The following OSBP variants were observed in gnomAD, a reference collection of about 807,000 sequenced individuals.
OSBP encodes the protein oxysterol-binding protein 1.
OSBP carries 32 observed loss-of-function variants against 96.6 expected under a neutral mutation model. The observed-to-expected ratio is 0.33, with a 90% CI of 0.25 to 0.45. The LOEUF (loss-of-function observed/expected upper bound fraction) is 0.45. Ranked by LOEUF, OSBP falls within the 20% of genes least tolerant of loss-of-function variation. The pLI is 1.00. For missense variants in OSBP, 653 were observed against 1,029.7 expected (o/e 0.63, Z 5.01); for synonymous variants, 369 against 389.6 (o/e 0.95, Z 0.62).
chr11:59,602,568 T>C (rs540753244), intron 3 of OSBP, among the ~76,000 whole-genome samples: 1 of 152,320 alleles, frequency 6.6e-6, no homozygotes, highest in East Asian at 1.9e-4. Flanking sequence ...ATCACCTGCC[T>C]TGTATTCTCC....
chr11:59,609,767 A>T (rs1014298413), intron 2 of OSBP, among the ~76,000 whole-genome samples: 13 of 152,214 alleles, frequency 8.5e-5, no homozygotes, highest in African/African-American at 2.7e-4. Flanking sequence ...ACTTAACTTG[A>T]TTGCTCCTTT....
At chr11:59,605,891 T>C (rs918839250) in intron 3 of OSBP, among the ~76,000 whole-genome samples, 5 of 152,184 alleles carry the variant, frequency 3.3e-5, no homozygotes, top group African/African-American at 9.7e-5. Context: ...ACATAGGTCA[T>C]AGAGGCAGTT....
At chr11:59,590,290 A>C (rs1860561134) in intron 9 of OSBP, among the ~76,000 whole-genome samples, 1 of 152,190 alleles carries the variant, frequency 6.6e-6, no homozygotes, top group Non-Finnish European at 1.5e-5. Context: ...GACCTCAGTG[A>C]GACTATTAGG....
chr11:59,594,836 T>C (rs552656397), intron 7 of OSBP, among the ~76,000 whole-genome samples: 1 of 152,170 alleles, frequency 6.6e-6, no homozygotes, highest in East Asian at 1.9e-4. Context: ...ATGATGGGGG[T>C]TGAGAGGGGG....
intron 9 of OSBP, among the ~76,000 whole-genome samples, chr11:59,585,631 G>A (rs974102243): frequency 1.3e-5 from 2 of 152,202 alleles, no homozygotes; most frequent in African/African-American, 2.4e-5. Flanking sequence ...GAAGTGAGGA[G>A]CCCCTCTGCC....
At chr11:59,610,870 G>A (rs1860835527) in intron 1 of OSBP, among the ~76,000 whole-genome samples, 5 of 151,118 alleles carry the variant, frequency 3.3e-5, no homozygotes, top group Admixed American at 3.3e-4. Flanking sequence ...TACAGGCCGG[G>A]CACCCGTAAT....
intron 3 of OSBP, among the ~76,000 whole-genome samples, chr11:59,604,348 A>G (rs1444137466): frequency 6.6e-6 from 1 of 152,194 alleles, no homozygotes; most frequent in Non-Finnish European, 1.5e-5. Context: ...GGAGTTTAAG[A>G]TCAGCCTGGA....
intron 7 of OSBP, among the ~76,000 whole-genome samples, chr11:59,596,404 T>C (rs1464233065): frequency 6.6e-6 from 1 of 152,112 alleles, no homozygotes; most frequent in South Asian, 2.1e-4. Flanking sequence ...AATCAGCACA[T>C]TGCTATCACT....
rs1860920130 is a variant in OSBP at position 59,615,696 on chromosome 11, AACCGCCTACGAG to A, written c.-44_-33del. The A allele has an allele frequency of 7.8e-7, 1 of 1,282,884 alleles. No homozygotes were observed. The highest frequency in any genetic ancestry group is 3.0e-4 in the Middle Eastern group (1 of 3,348). 79.5% of individuals were successfully genotyped at this position (1,282,884 alleles called of 1,614,324 possible). Reference sequence around the variant, plus strand: ...CCGCCGCCTGGAGATACAAGACCGGAACCGCCTACGAGAGCCGCCGTCGCCGCCCGGAGCGCC... The same window carrying A: ...CCGCCGCCTGGAGATACAAGACCGGAAGCCGCCGTCGCCGCCCGGAGCGCC... On this transcript the variant is annotated 5_prime_UTR_variant, in exon 1 of 14. Coordinates refer to ENST00000263847, the MANE Select transcript of OSBP (RefSeq NM_002556.3).
Position 59,601,472 on chromosome 11 carries a change from A to AAGATGG in OSBP, c.1022-88_1022-87insCCATCT. Reference sequence around the variant, plus strand: ...AAGTTCTTTTAAATACTAACCACAAACACAGCAAAAAATGGTAGAAAGCAG... The same window carrying AAGATGG: ...AAGTTCTTTTAAATACTAACCACAAAAGATGGCACAGCAAAAAATGGTAGAAAGCAG... On this transcript the variant is annotated intron_variant, in intron 4 of 13. Coordinates refer to ENST00000263847, the MANE Select transcript of OSBP (RefSeq NM_002556.3). The AAGATGG allele has an allele frequency of 1.3e-5, 16 of 1,204,446 alleles. No homozygotes were observed. The South Asian group carries it at 2.0e-4, about 15-fold the overall frequency. The allele number at this position is 1,204,446 out of a possible 1,614,324, so 74.6% of individuals were successfully genotyped here.
chr11:59,584,976 C>T lies in OSBP; in HGVS notation c.1679-3422G>A, dbSNP rs11826941. ...AGGCTGGAGTGCAGTGGCGTGATCT[C>T]GGCTCGCTACAACCTCCACCTCCCA... is the stretch of plus-strand genomic sequence containing the variant. On this transcript the variant is annotated intron_variant, in intron 9 of 13. Transcript: ENST00000263847. Among the ~76,000 whole-genome samples the T allele has an allele frequency of 5.9e-3, 894 of 152,292 alleles. 5 individuals carry two copies. Among genetic ancestry groups the T allele is most frequent in the African/African-American group, 0.02 (831 of 41,566 alleles).
At chr11:59,597,954 T>C (rs560367101) in intron 7 of OSBP, among the ~76,000 whole-genome samples, 24 of 152,096 alleles carry the variant, frequency 1.6e-4, no homozygotes, top group Non-Finnish European at 2.1e-4. Context: ...AATCCACCCA[T>C]CTTGGTCTCC....
intron 9 of OSBP, 26 bp downstream of exon 9, chr11:59,593,578 A>C: frequency 6.2e-7 from 1 of 1,613,048 alleles, no homozygotes; most frequent in Non-Finnish European, 8.5e-7. Flanking sequence ...CAGGAGCATT[A>C]ATTCTGACAA....
At chr11:59,606,537 G>A (rs1213714273) in intron 3 of OSBP, among the ~76,000 whole-genome samples, 2 of 152,092 alleles carry the variant, frequency 1.3e-5, no homozygotes, top group Non-Finnish European at 2.9e-5. Context: ...TCCAAAAGTG[G>A]GGAGGAAGAG....
At chr11:59,587,031 G>A (rs1860507111) in intron 9 of OSBP, among the ~76,000 whole-genome samples, 1 of 151,830 alleles carries the variant, frequency 6.6e-6, no homozygotes, top group African/African-American at 2.4e-5. Context: ...CAAACCTCCT[G>A]AACATTAAAA....
At position 59,578,287 on chromosome 11, in the gene OSBP, G is replaced by C. The variant is rs1166780481; in HGVS notation, c.1922C>G (p.Ala641Gly). The stretch of plus-strand genomic sequence containing the variant: ...TTTCTCATCCCACGTCCCCAGAAGA[G>C]CAAAGTGGACTTTTCCTGATGGATC... ...VTDPSGKVHF[A>G]LLGTWDEKME... is the part of the protein sequence containing the mutation. The change falls in exon 12 of 14, where the codon GCT becomes GGT. Residue 641 changes from alanine to glycine, a missense_variant. By Grantham distance (60) the Ala-to-Gly change is moderately conservative. Coordinates refer to ENST00000263847, the MANE Select transcript of OSBP (RefSeq NM_002556.3). 6.2e-7 allele frequency: 1 copy of C among 1,614,208 alleles called. No individual in the cohort carries two copies. The highest frequency in any genetic ancestry group is 8.5e-7 in the Non-Finnish European group (1 of 1,180,036).
In OSBP at chr11:59,594,017, C is replaced by G. The variant is rs1221840609; in HGVS notation, c.1550G>C (p.Cys517Ser). Residue 517 changes from cysteine to serine, a missense_variant, in exon 8 of 14, where the codon TGT (cysteine) becomes TCT (serine). By Grantham distance (112) the Cys-to-Ser change is moderately radical (BLOSUM62 -1). Coordinates refer to ENST00000263847, the MANE Select transcript of OSBP (RefSeq NM_002556.3). The part of the protein sequence containing the change: ...RLEENGYRSL[C>S]EQVSHHPPAA... ...GTTCTGAGGTTCCTTTACCTGTTCA[C>G]AGAGGGATCGGTACCCATTCTCCTC... 2.5e-6 allele frequency: 4 copies of G among 1,613,954 alleles called. No homozygotes were observed. The highest frequency in any genetic ancestry group is 3.4e-6 in the Non-Finnish European group (4 of 1,179,988).
At chr11:59,588,944 G>A (rs766090895) in intron 9 of OSBP, among the ~76,000 whole-genome samples, 56 of 152,164 alleles carry the variant, frequency 3.7e-4, no homozygotes, top group Non-Finnish European at 6.9e-4. Flanking sequence ...GCGGGAGGTT[G>A]CAGTGAACCA....
rs1327605253 is a variant in OSBP at position 59,608,840 on chromosome 11, A to G, written c.572-106T>C. On this transcript the variant is annotated intron_variant, in intron 2 of 13. Transcript: ENST00000263847. ...AACCAACATTCCTCATGCTGTGTGCATTCTGACTCACTGAAAACTTGCCAT... is the reference window on the plus strand; with the variant it reads ...AACCAACATTCCTCATGCTGTGTGCGTTCTGACTCACTGAAAACTTGCCAT... 3.5e-6 allele frequency: 4 copies of G among 1,130,456 alleles called. No individual in the cohort carries two copies. In the Admixed American group the frequency reaches 5.7e-5, roughly 16 times the overall value. 70.0% of individuals were successfully genotyped at this position (1,130,456 alleles called of 1,614,324 possible). A position where few individuals can be genotyped will look rare whatever the true frequency, so the allele number is the denominator to read the frequency against.
Sources: allele counts gnomAD v4.1 joint callset (sites outside exome capture counted in the v4.1 genomes callset), GRCh38; gene constraint gnomAD v4.1.1; transcripts MANE v1.5; gene names NCBI Gene and HGNC (gene_info 2026-07-23, HGNC 2026-07-21).